The following PARP4 variants were observed in gnomAD, a reference collection of about 807,000 sequenced individuals.
PARP4 encodes protein mono-ADP-ribosyltransferase PARP4.
In PARP4, 120 loss-of-function variants were observed where a neutral mutation model predicts 187.7. That is an observed-to-expected ratio of 0.64 (90% confidence interval 0.55 to 0.74). The LOEUF is 0.74. Ranked by LOEUF, PARP4 falls within the 30% of genes least tolerant of loss-of-function variation. The pLI is 0.00. For missense variants in PARP4, 1,836 were observed against 2,070.5 expected (o/e 0.89, Z 2.20); for synonymous variants, 654 against 740.9 (o/e 0.88, Z 1.90).
At chr13:24,429,078 A>AT (rs1216678235) in intron 32 of PARP4, among the ~76,000 whole-genome samples, 1 of 151,824 alleles carries the variant, frequency 6.6e-6, no homozygotes, top group Non-Finnish European at 1.5e-5. Context: ...GAATTAAATG[A>AT]TTTTTTTCCT....
Position 24,453,667 on chromosome 13 carries a change from A to T in PARP4, c.2759-13T>A, listed in dbSNP as rs1220337756. 6.5e-7 allele frequency: 1 copy of T among 1,542,690 alleles called. No homozygotes were observed. The highest frequency in any genetic ancestry group is 2.2e-5 in the East Asian group (1 of 44,514). ...AGCTCCTTGTAACCTGTGTAATAAG[A>T]TCAGCATGAGGTGCTGCTTCCACAC... On this transcript the variant is annotated splice_polypyrimidine_tract_variant and intron_variant, in intron 22 of 33. Transcript: ENST00000381989.
chr13:24,456,972 A>C (rs538935982), intron 20 of PARP4, among the ~76,000 whole-genome samples: 1 of 152,160 alleles, frequency 6.6e-6, no homozygotes, highest in Admixed American at 6.5e-5. Flanking sequence ...GACCATGAGC[A>C]TATCAGTCAC....
In PARP4 at chr13:24,459,784, A is replaced by G. The variant is rs546385455; in HGVS notation, c.2298+188T>C. Among the ~76,000 whole-genome samples the G allele has an allele frequency of 5.3e-5, 8 of 152,320 alleles. No homozygotes were observed. In the East Asian group the frequency reaches 1.3e-3, roughly 26 times the overall value. On this transcript the variant is annotated intron_variant, in intron 18 of 33. Coordinates refer to ENST00000381989, the MANE Select transcript of PARP4 (RefSeq NM_006437.4). ...CAGAATAAAAATATGCTTATTGATC[A>G]TATCTGTAACTTTTATTCTTTTCAT... is the stretch of plus-strand genomic sequence containing the variant.
At chr13:24,452,865 T>A (rs1871600272) in intron 23 of PARP4, among the ~76,000 whole-genome samples, 1 of 152,218 alleles carries the variant, frequency 6.6e-6, no homozygotes, top group South Asian at 2.1e-4. Flanking sequence ...CAATCAGCCC[T>A]GGATTTGCCA....
chr13:24,505,912 C>T (rs190189340), intron 1 of PARP4, among the ~76,000 whole-genome samples: 7 of 152,356 alleles, frequency 4.6e-5, no homozygotes, highest in African/African-American at 1.4e-4. Flanking sequence ...GCGGCCCACG[C>T]GTCTTGGGAC....
intron 17 of PARP4, among the ~76,000 whole-genome samples, chr13:24,464,839 T>G (rs1872374636): frequency 6.6e-6 from 1 of 151,882 alleles, no homozygotes; most frequent in South Asian, 2.1e-4. Context: ...AAAGAAACTA[T>G]CAGCAGAGCG....
chr13:24,493,522 C>G, intron 8 of PARP4, 74 bp downstream of exon 8: 1 of 1,429,606 alleles, frequency 7.0e-7, no homozygotes, highest in Non-Finnish European at 9.6e-7. Context: ...CATGCAAACA[C>G]ACGTGTTATT....
intron 33 of PARP4, among the ~76,000 whole-genome samples, chr13:24,422,710 G>C (rs1174061552): frequency 6.6e-6 from 1 of 152,080 alleles, no homozygotes; most frequent in Non-Finnish European, 1.5e-5. Context: ...CTTGGTTCAA[G>C]TGATTCTCCT....
At chr13:24,481,703 A>G (rs1873290432) in intron 12 of PARP4, among the ~76,000 whole-genome samples, 1 of 152,134 alleles carries the variant, frequency 6.6e-6, no homozygotes, top group African/African-American at 2.4e-5. Context: ...AAAAAAGAAA[A>G]AAAGAAAGAA....
At position 24,493,875 on chromosome 13, in the gene PARP4, C is replaced by T; in HGVS notation, c.742-142G>A. ...GTCATCCCCAGCCAGGTAACTAAAT[C>T]CTTTCTCTACTAGATCCTCCCTCTG... is the stretch of plus-strand genomic sequence containing the variant. On this transcript the variant is annotated intron_variant, in intron 7 of 33. Transcript: ENST00000381989. The T allele has an allele frequency of 4.1e-6, 3 of 727,104 alleles. No individual in the cohort carries two copies. In the South Asian group the frequency reaches 4.9e-5, roughly 12 times the overall value. 45.0% of individuals were successfully genotyped at this position (727,104 alleles called of 1,614,324 possible).
intron 20 of PARP4, among the ~76,000 whole-genome samples, chr13:24,458,785 C>G (rs1451007905): frequency 6.6e-6 from 1 of 152,048 alleles, no homozygotes; most frequent in Non-Finnish European, 1.5e-5. Context: ...AAGATAATTT[C>G]TGAAACAGGC....
chr13:24,431,929 A>G (rs1970484), intron 31 of PARP4, among the ~76,000 whole-genome samples: 142,502 of 152,084 alleles, frequency 0.94, 66,901 homozygotes, highest in East Asian at 0.99. Context: ...GGGTTTCACC[A>G]TGTCAGCCAG....
intron 9 of PARP4, 56 bp downstream of exon 9, chr13:24,492,365 A>G (rs1868702282): frequency 1.2e-5 from 14 of 1,152,510 alleles, no homozygotes; most frequent in Non-Finnish European, 1.6e-5. Flanking sequence ...ATTTCTAAAG[A>G]CCCCCACCCT....
intron 23 of PARP4, among the ~76,000 whole-genome samples, chr13:24,452,938 AT>A (rs57326573): frequency 0.47 from 70,360 of 150,488 alleles, 16,726 homozygotes; most frequent in Middle Eastern, 0.52. Context: ...CATTTTATTT[AT>A]TTTTTTTTTC....
intron 32 of PARP4, among the ~76,000 whole-genome samples, chr13:24,427,660 CCATT>C (rs1416611538): frequency 6.6e-6 from 1 of 152,056 alleles, no homozygotes; most frequent in Non-Finnish European, 1.5e-5. Context: ...TGCATATACA[CCATT>C]AATTTTACAT....
At chr13:24,453,172 G>A (rs1306856479) in intron 23 of PARP4, among the ~76,000 whole-genome samples, 1 of 152,186 alleles carries the variant, frequency 6.6e-6, no homozygotes, top group African/African-American at 2.4e-5. Flanking sequence ...CTGACCTCAG[G>A]TGATCCACCC....
chr13:24,488,971 A>G (rs2137527596), intron 10 of PARP4, among the ~76,000 whole-genome samples: 1 of 152,350 alleles, frequency 6.6e-6, no homozygotes, highest in African/African-American at 2.4e-5. Flanking sequence ...AGTATGTGTC[A>G]GTGCTTCATT....
chr13:24,421,330 A>G lies in PARP4; in HGVS notation c.4980-16T>C, dbSNP rs1303695761. ...GGGAATATTCCTAGATTAAAAAAAA[A>G]AGTTTCAGATTTCAGAATATAACAT... On this transcript the variant is annotated splice_polypyrimidine_tract_variant and intron_variant, in intron 33 of 33. Transcript: ENST00000381989. The G allele has an allele frequency of 1.7e-6, 2 of 1,179,174 alleles. No individual in the cohort carries two copies. Among genetic ancestry groups the G allele is most frequent in the Non-Finnish European group, 2.3e-6 (2 of 860,498 alleles). 73.0% of individuals were successfully genotyped at this position (1,179,174 alleles called of 1,614,324 possible).
intron 14 of PARP4, 37 bp from the exon 15 acceptor site, chr13:24,475,633 C>G: frequency 6.2e-7 from 1 of 1,600,428 alleles, no homozygotes; most frequent in East Asian, 2.2e-5. Context: ...CTTTCAAAAC[C>G]ATCCCTGTCT....
Sources: allele counts gnomAD v4.1 joint callset (sites outside exome capture counted in the v4.1 genomes callset), GRCh38; gene constraint gnomAD v4.1.1; transcripts MANE v1.5; gene names NCBI Gene and HGNC (gene_info 2026-07-23, HGNC 2026-07-21).